Variants in MAP2K5 observed in about 807,000 individuals in gnomAD.
The protein encoded by MAP2K5 is mitogen-activated protein kinase kinase 5, also known as dual specificity mitogen-activated protein kinase kinase 5.
Under a neutral mutation model 83.1 loss-of-function variants are expected in MAP2K5, and 49 were observed. That is an observed-to-expected ratio of 0.59 (90% CI 0.47 to 0.75). The LOEUF (loss-of-function observed/expected upper bound fraction) is 0.75, where lower values mean the gene tolerates loss of function less well. Among genes scored for constraint, MAP2K5 ranks in the 30% least tolerant of loss-of-function variants. The pLI, the probability that MAP2K5 is intolerant of heterozygous loss-of-function variation, is 0.00. For missense variants in MAP2K5, 457 were observed against 557.5 expected (o/e 0.82, Z 1.82); for synonymous variants, 202 against 191.8 (o/e 1.05, Z -0.44).
At chr15:67,795,178 CTTGATA>C (rs1318780000) in intron 21 of MAP2K5, among the ~76,000 whole-genome samples, 3 of 152,098 alleles carry the variant, frequency 2.0e-5, no homozygotes, top group Non-Finnish European at 4.4e-5. Context: ...TTTTTCCCTT[CTTGATA>C]TTTACTTGTT....
At chr15:67,787,982 A>C (rs2090447656) in intron 21 of MAP2K5, among the ~76,000 whole-genome samples, 1 of 152,186 alleles carries the variant, frequency 6.6e-6, no homozygotes, top group Admixed American at 6.5e-5. Flanking sequence ...ATTGGGAAAA[A>C]ATGGAGGAAT....
chr15:67,549,001 G>A (rs993801610), intron 1 of MAP2K5: 1 of 1,420,486 alleles, frequency 7.0e-7, no homozygotes, highest in South Asian at 1.6e-5. Context: ...TTAGAAGGAA[G>A]TTGCAGCCAC....
chr15:67,742,761 C>T (rs1351426011), intron 17 of MAP2K5, among the ~76,000 whole-genome samples: 1 of 152,208 alleles, frequency 6.6e-6, no homozygotes, highest in Non-Finnish European at 1.5e-5. Context: ...TTGCAAAATT[C>T]AAGTCTAAAC....
chr15:67,731,259 C>T (rs1017838332), intron 17 of MAP2K5, among the ~76,000 whole-genome samples: 1 of 152,126 alleles, frequency 6.6e-6, no homozygotes, highest in Non-Finnish European at 1.5e-5. Context: ...CATTAGCAGC[C>T]CCTCTTCCTG....
chr15:67,573,759 G>A lies in MAP2K5; in HGVS notation c.253-6995G>A, dbSNP rs1383093646. 1.3e-5 allele frequency among the ~76,000 whole-genome samples: 2 copies of A among 152,106 alleles called. No individual in the cohort carries two copies. The highest frequency in any genetic ancestry group is 4.8e-5 in the African/African-American group (2 of 41,422). ...ATGTCCTGATGTCCTGATATCTTAA[G>A]AACAAAAGCATTCTGAGTTTTGCTT... On this transcript the variant is annotated intron_variant, in intron 3 of 21. Transcript: ENST00000178640. The surrounding 1 kb of genome is among the most constrained non-coding windows in gnomAD (Gnocchi z 4.2).
intron 21 of MAP2K5, among the ~76,000 whole-genome samples, chr15:67,799,891 G>A (rs1034293572): frequency 1.3e-5 from 2 of 152,186 alleles, no homozygotes; most frequent in Admixed American, 1.3e-4. Context: ...GCCAGGGGAG[G>A]GCTGACCGAC....
At chr15:67,803,829 T>C (rs2090748476) in intron 21 of MAP2K5, among the ~76,000 whole-genome samples, 1 of 152,110 alleles carries the variant, frequency 6.6e-6, no homozygotes, top group Non-Finnish European at 1.5e-5. Context: ...TGAGGGGGAA[T>C]TGCAATCTGA....
At chr15:67,776,284 C>T (rs574727808) in intron 21 of MAP2K5, among the ~76,000 whole-genome samples, 24 of 138,330 alleles carry the variant, frequency 1.7e-4, no homozygotes, top group Non-Finnish European at 2.9e-4. Flanking sequence ...TTTTAAATCA[C>T]GCTGCTGCAA....
Position 67,543,315 on chromosome 15 carries a change from T to C in MAP2K5, c.-21T>C. On this transcript the variant is annotated 5_prime_UTR_variant, in exon 1 of 22. The change abolishes an upstream ATG in the 5' untranslated region. Coordinates refer to ENST00000178640, the MANE Select transcript of MAP2K5 (RefSeq NM_145160.3). The surrounding 1 kb of genome is among the most constrained non-coding windows in gnomAD (Gnocchi z 4.3). ...CCAGTGGGTTTCCCATACCCCAGGA[T>C]GTGAGCCTCTTTAACCTGTAATGCT... 1.2e-6 allele frequency: 2 copies of C among 1,614,078 alleles called. No homozygotes were observed. The highest frequency in any genetic ancestry group is 1.7e-6 in the Non-Finnish European group (2 of 1,179,946).
At chr15:67,607,446 C>A (rs1436130631) in intron 8 of MAP2K5, among the ~76,000 whole-genome samples, 1 of 152,084 alleles carries the variant, frequency 6.6e-6, no homozygotes, top group Non-Finnish European at 1.5e-5. Flanking sequence ...TGTACCTTTC[C>A]CACCTTTGCT....
intron 19 of MAP2K5, among the ~76,000 whole-genome samples, chr15:67,753,707 G>T (rs2141280239): frequency 6.6e-6 from 1 of 152,130 alleles, no homozygotes; most frequent in South Asian, 2.1e-4. Flanking sequence ...AATAACAATT[G>T]GTGACAAGAA....
At chr15:67,617,133 C>T (rs2086072604) in intron 8 of MAP2K5, among the ~76,000 whole-genome samples, 1 of 152,082 alleles carries the variant, frequency 6.6e-6, no homozygotes, top group South Asian at 2.1e-4. Context: ...AGGGGTATTT[C>T]CGTGCTCATT....
At chr15:67,732,244 G>A (rs957490564) in intron 17 of MAP2K5, among the ~76,000 whole-genome samples, 1 of 152,114 alleles carries the variant, frequency 6.6e-6, no homozygotes. Context: ...ATAATGGTGG[G>A]CAATGGTTTG....
At chr15:67,703,443 T>G (rs746688136) in intron 16 of MAP2K5, 35 bp downstream of exon 16, 17 of 1,478,636 alleles carry the variant, frequency 1.1e-5, no homozygotes, top group Admixed American at 1.7e-5. Context: ...TCTGTGCATA[T>G]CTGTACTAAT....
rs2087381746 is a variant in MAP2K5, at chr15:67,666,497, A to AT, written c.847+1854dup. 1.3e-5 allele frequency among the ~76,000 whole-genome samples: 2 copies of AT among 152,192 alleles called. 1 individual carries two copies. The highest frequency in any genetic ancestry group is 1.3e-4 in the Admixed American group (2 of 15,268). ...ATCTAAAAATAATGTCTAGGGTCAG[A>AT]TTCTCACTATAAACCACTTCATGAT... On this transcript the variant is annotated intron_variant, in intron 13 of 21. Coordinates refer to ENST00000178640, the MANE Select transcript of MAP2K5 (RefSeq NM_145160.3).
At chr15:67,763,794 G>A (rs16951250) in intron 19 of MAP2K5, among the ~76,000 whole-genome samples, 12,594 of 152,098 alleles carry the variant, frequency 0.083, 697 homozygotes, top group Admixed American at 0.1. Flanking sequence ...CAGGCAACAC[G>A]CTATCCTGCT....
intron 13 of MAP2K5, among the ~76,000 whole-genome samples, chr15:67,678,282 G>C (rs1469216457): frequency 1.3e-5 from 2 of 152,182 alleles, no homozygotes; most frequent in Non-Finnish European, 2.9e-5. Context: ...GTGGAGACCG[G>C]CTAATGTGCC....
At chr15:67,558,680 A>G (rs907803961) in intron 2 of MAP2K5, among the ~76,000 whole-genome samples, 5 of 152,148 alleles carry the variant, frequency 3.3e-5, no homozygotes, top group African/African-American at 1.2e-4. Context: ...ATTCTGTTCT[A>G]GCCACTCTGG....
rs1223714558 is a variant in MAP2K5, at chr15:67,628,430, A to G, written c.546-2458A>G. 7.2e-6 allele frequency: 4 copies of G among 555,616 alleles called. No homozygotes were observed. The East Asian group carries it at 1.2e-4, about 17-fold the overall frequency. 34.4% of individuals were successfully genotyped at this position (555,616 alleles called of 1,614,324 possible). On this transcript the variant is annotated intron_variant, in intron 8 of 21. Coordinates refer to ENST00000178640, the MANE Select transcript of MAP2K5 (RefSeq NM_145160.3). ...AGGAGGCAGTGGCTGTGGTGAGCCA[A>G]GATCGTGCCACTGCTCTCCAGCCTG... is the stretch of plus-strand genomic sequence containing the variant.
Sources: gnomAD v4.1 joint callset for allele counts (sites outside exome capture counted in the v4.1 genomes callset) on GRCh38, gnomAD v4.1.1 for gene constraint, Gnocchi (gnomAD v3.1) non-coding constraint, MANE v1.5 for transcripts, NCBI Gene and HGNC (gene_info 2026-07-23, HGNC 2026-07-21) for gene names.